Variants in ZNF782 observed in about 807,000 individuals in gnomAD.
The protein encoded by ZNF782 is zinc finger protein 782.
A neutral mutation model predicts 13.0 loss-of-function variants in ZNF782; 12 were observed. That is an observed-to-expected ratio of 0.92 (90% CI 0.59 to 1.50). The LOEUF (loss-of-function observed/expected upper bound fraction) is 1.50. Ranked by LOEUF, ZNF782 falls within the 40% of genes most tolerant of loss-of-function variation. The pLI is 0.00. For synonymous variants in ZNF782, 284 were observed against 283.0 expected (o/e 1.00, Z -0.04); for missense variants, 770 against 822.9 (o/e 0.94, Z 0.79).
the ZNF782 span, among the ~76,000 whole-genome samples, chr9:96,901,381 C>T: frequency 6.7e-6 from 1 of 148,286 alleles, no homozygotes; most frequent in Non-Finnish European, 1.5e-5. Flanking sequence ...AAGCAATTCT[C>T]CTGCCTCAGC....
chr9:96,844,394 C>T (rs1851282067), intron 4 of ZNF782, among the ~76,000 whole-genome samples: 1 of 152,084 alleles, frequency 6.6e-6, no homozygotes, highest in African/African-American at 2.4e-5. Context: ...ACCCACAAAG[C>T]GGCACTACTT....
At chr9:96,911,901 G>T in the ZNF782 span, among the ~76,000 whole-genome samples, 4 of 151,958 alleles carry the variant, frequency 2.6e-5, no homozygotes, top group African/African-American at 4.8e-5. Context: ...TGGTTTATAT[G>T]ATTTGGTTAA....
At chr9:96,880,433 T>G (rs952469078), upstream of ZNF782, among the ~76,000 whole-genome samples, 1 of 152,144 alleles carries the variant, frequency 6.6e-6, no homozygotes, top group African/African-American at 2.4e-5. Context: ...TGGTTCCTCG[T>G]TTTTTAGGTT....
At chr9:96,874,371 C>T (rs1005111315) in intron 1 of ZNF782, among the ~76,000 whole-genome samples, 4 of 152,060 alleles carry the variant, frequency 2.6e-5, no homozygotes, top group African/African-American at 7.3e-5. Context: ...ACTAGTGTCA[C>T]GTGGTTATGG....
intron 5 of ZNF782, among the ~76,000 whole-genome samples, chr9:96,823,668 T>C (rs940275197): frequency 6.6e-6 from 1 of 152,240 alleles, no homozygotes; most frequent in Admixed American, 6.5e-5. Context: ...TGAATTATTT[T>C]AGTTTATTGC....
chr9:96,876,406 G>C (rs1038281310), upstream of ZNF782, among the ~76,000 whole-genome samples: 1 of 152,184 alleles, frequency 6.6e-6, no homozygotes, highest in Non-Finnish European at 1.5e-5. Context: ...GCTATAGATA[G>C]ATGCTCATTT....
chr9:96,921,655 G>A, the ZNF782 span, among the ~76,000 whole-genome samples: 1 of 150,452 alleles, frequency 6.6e-6, no homozygotes, highest in Non-Finnish European at 1.5e-5. Flanking sequence ...GAGGTCAGGA[G>A]TTTGAGACCA....
the ZNF782 span, among the ~76,000 whole-genome samples, chr9:96,901,261 GA>G: frequency 1.4e-5 from 2 of 143,952 alleles, no homozygotes; most frequent in African/African-American, 5.1e-5. Context: ...TCCTATAATT[GA>G]AAAAAAACTT....
chr9:96,836,478 G>A (rs569407325), intron 4 of ZNF782, among the ~76,000 whole-genome samples: 1 of 152,322 alleles, frequency 6.6e-6, no homozygotes, highest in Admixed American at 6.5e-5. Flanking sequence ...TGGGATTATA[G>A]GTGTGAGCCA....
upstream of ZNF782, among the ~76,000 whole-genome samples, chr9:96,880,567 C>T (rs1293520208): frequency 6.6e-6 from 1 of 152,136 alleles, no homozygotes; most frequent in African/African-American, 2.4e-5. Context: ...TTTCTTTAGT[C>T]TGTCAAAATT....
chr9:96,895,575 C>T, the ZNF782 span: 1 of 149,198 alleles, frequency 6.7e-6, no homozygotes, highest in East Asian at 1.9e-4. Context: ...ACCTATAGCA[C>T]TTTACCAAGT....
At chr9:96,906,018 A>T in the ZNF782 span, among the ~76,000 whole-genome samples, 1 of 152,240 alleles carries the variant, frequency 6.6e-6, no homozygotes, top group South Asian at 2.1e-4. Context: ...TGCTGAGAAT[A>T]TGGAGAAACT....
chr9:96,851,200 TAA>T (rs1283635024), intron 3 of ZNF782, among the ~76,000 whole-genome samples: 1 of 151,392 alleles, frequency 6.6e-6, no homozygotes, highest in Non-Finnish European at 1.5e-5. Flanking sequence ...TAAAAAAAAA[TAA>T]AAAAAGTAAA....
Position 96,816,970 on chromosome 9 carries a change from T to C in ZNF782, c.*953A>G, listed in dbSNP as rs1563988859. On this transcript the variant is annotated 3_prime_UTR_variant, in exon 6 of 6. Transcript: ENST00000481138. The stretch of plus-strand genomic sequence containing the variant: ...GAGGGTTGTTGAGTTTCTGTCAGTA[T>C]CAAGTATACCCAAACCTTTAGAAGT... 1 of 152,204 alleles carries C rather than the reference T, an allele frequency of 6.6e-6. No individual in the cohort carries two copies. Among genetic ancestry groups the C allele is most frequent in the Non-Finnish European group, 1.5e-5 (1 of 68,032 alleles). 9.4% of individuals were successfully genotyped at this position (152,204 alleles called of 1,614,324 possible).
At chr9:96,849,243 CCAAT>C (rs1335133030) in intron 3 of ZNF782, among the ~76,000 whole-genome samples, 1 of 152,170 alleles carries the variant, frequency 6.6e-6, no homozygotes, top group Non-Finnish European at 1.5e-5. Flanking sequence ...TAAGAAGCAC[CCAAT>C]CTAGATCCCT....
At chr9:96,828,923 G>A (rs2118487023) in intron 4 of ZNF782, among the ~76,000 whole-genome samples, 1 of 151,922 alleles carries the variant, frequency 6.6e-6, no homozygotes, top group Non-Finnish European at 1.5e-5. Flanking sequence ...ATTTTATGTA[G>A]ACAGAAAAAG....
the ZNF782 span, among the ~76,000 whole-genome samples, chr9:96,917,723 C>T: frequency 4.0e-5 from 6 of 151,816 alleles, no homozygotes; most frequent in South Asian, 1.0e-3. Context: ...AGCCACCGTG[C>T]CCGACCAGAA....
chr9:96,820,435 G>A (rs768727084), intron 5 of ZNF782, among the ~76,000 whole-genome samples: 1 of 152,042 alleles, frequency 6.6e-6, no homozygotes, highest in Non-Finnish European at 1.5e-5. Context: ...AAGTGGAAAT[G>A]TAAAATTGAT....
At position 96,826,780 on chromosome 9, in the gene ZNF782, G is replaced by A. The variant is rs1306559816; in HGVS notation, c.244+300C>T. Reference sequence around the variant, plus strand: ...GTAATTTTGGCAGATGCTAGACAGAGGGTGTCTACATGATTAGCCCACAAT... The same window carrying A: ...GTAATTTTGGCAGATGCTAGACAGAAGGTGTCTACATGATTAGCCCACAAT... On this transcript the variant is annotated intron_variant, in intron 5 of 5. Transcript: ENST00000481138. Among the ~76,000 whole-genome samples, 4 of 152,140 alleles carry A rather than the reference G, an allele frequency of 2.6e-5. No homozygotes were observed. The East Asian group carries it at 7.7e-4, about 29-fold the overall frequency.
Sources: allele counts gnomAD v4.1 joint callset (sites outside exome capture counted in the v4.1 genomes callset), GRCh38; gene constraint gnomAD v4.1.1; transcripts MANE v1.5; gene names NCBI Gene and HGNC (gene_info 2026-07-23, HGNC 2026-07-21).